PHF21B: variants seen among roughly 807,000 people sequenced by gnomAD.
The protein encoded by PHF21B is PHD finger protein 21B.
In PHF21B, 22 loss-of-function variants were observed where a neutral mutation model predicts 62.2. The ratio of observed to expected loss-of-function variants is 0.35; its 90% CI spans 0.25 to 0.51. PHF21B has a LOEUF of 0.51. Ranked by LOEUF, PHF21B falls within the 20% of genes least tolerant of loss-of-function variation. The pLI is 0.97. For synonymous variants in PHF21B, 341 were observed against 314.7 expected (o/e 1.08, Z -0.88); for missense variants, 701 against 707.9 (o/e 0.99, Z 0.11).
At chr22:45,007,264 C>T (rs1358030854) in intron 2 of PHF21B, among the ~76,000 whole-genome samples, 2 of 151,976 alleles carry the variant, frequency 1.3e-5, no homozygotes, top group Non-Finnish European at 2.9e-5. Flanking sequence ...CCCCTCCCAT[C>T]ACTTTTTAAC....
intron 2 of PHF21B, among the ~76,000 whole-genome samples, chr22:44,992,261 C>CT (rs2073053258): frequency 6.6e-6 from 1 of 152,264 alleles, no homozygotes; most frequent in East Asian, 1.9e-4. Flanking sequence ...CTTGAAGCCA[C>CT]TTTGCAGAGG....
intron 2 of PHF21B, among the ~76,000 whole-genome samples, chr22:44,926,366 G>A (rs985080132): frequency 6.6e-6 from 1 of 152,260 alleles, no homozygotes; most frequent in Non-Finnish European, 1.5e-5. Flanking sequence ...TTTCCACATG[G>A]ATGGGGCTGG....
At chr22:44,885,762 A>C in intron 11 of PHF21B, 101 bp downstream of exon 11, 1 of 1,272,478 alleles carries the variant, frequency 7.9e-7, no homozygotes, top group Admixed American at 2.0e-5. Context: ...CCTGAAGGGA[A>C]TGGACCCACC....
chr22:44,937,340 C>G (rs534778996), intron 2 of PHF21B, among the ~76,000 whole-genome samples: 1 of 152,172 alleles, frequency 6.6e-6, no homozygotes, highest in Non-Finnish European at 1.5e-5. Flanking sequence ...TGGGCAGAGA[C>G]GGAGACATCA....
rs142030912 is a variant in PHF21B at position 44,961,845 on chromosome 22, AAAATAAATAAATAAAT to A, written c.121-41371_121-41356del. 7.9e-3 allele frequency among the ~76,000 whole-genome samples: 1,141 copies of A among 144,310 alleles called. 13 individuals carry two copies. Among genetic ancestry groups the A allele is most frequent in the Non-Finnish European group, 0.01 (682 of 66,548 alleles). 94.7% of individuals were successfully genotyped at this position (144,310 alleles called of 152,430 possible). A position where few individuals can be genotyped will look rare whatever the true frequency, so the allele number is the denominator to read the frequency against. The stretch of plus-strand genomic sequence containing the variant: ...GGGTGACAGAGCGAGACTCTGTCTC[AAAATAAATAAATAAAT>A]AAATAAATAAATAAATAAATAAATA... On this transcript the variant is annotated intron_variant, in intron 2 of 12. Coordinates refer to ENST00000313237, the MANE Select transcript of PHF21B (RefSeq NM_138415.5).
intron 2 of PHF21B, among the ~76,000 whole-genome samples, chr22:44,939,057 G>C (rs947914328): frequency 5.3e-5 from 8 of 152,216 alleles, no homozygotes. Context: ...AGCCGGCACC[G>C]ACCATCTGCA....
chr22:44,915,291 A>C lies in PHF21B; in HGVS notation c.564+989T>G, dbSNP rs551524319. 3.9e-5 allele frequency among the ~76,000 whole-genome samples: 6 copies of C among 152,378 alleles called. 1 individual carries two copies. Among genetic ancestry groups the C allele is most frequent in the African/African-American group, 1.2e-4 (5 of 41,598 alleles). Reference sequence around the variant, plus strand: ...GAAGATAGAATTCTTAAGTGTAAGAAAAACACTGAAGCTTAACAGTAACCA... The same window carrying C: ...GAAGATAGAATTCTTAAGTGTAAGACAAACACTGAAGCTTAACAGTAACCA... On this transcript the variant is annotated intron_variant, in intron 4 of 12. Transcript: ENST00000313237.
intron 2 of PHF21B, among the ~76,000 whole-genome samples, chr22:44,923,680 A>G (rs925123965): frequency 3.9e-5 from 6 of 152,018 alleles, no homozygotes; most frequent in African/African-American, 1.5e-4. Context: ...AAAACAAACA[A>G]CTCATTAAAA....
chr22:44,883,302 T>A lies in PHF21B; in HGVS notation c.1380A>T (p.Lys460Asn). ...RDRRLASAVQ[K>N]CLELKTSLLA... ...GCAGGCTTGTCTTCAACTCCAGGCA[T>A]TTCTGTTGGGGAGAAGGTCAGGGGA... The change falls in exon 13 of 13, where the codon AAA becomes AAT. Residue 460 changes from lysine (K) to asparagine (N), a missense_variant and splice_region_variant. Lys to Asn is a moderately conservative substitution (Grantham distance 94). Transcript: ENST00000313237. The A allele has an allele frequency of 6.2e-7, 1 of 1,613,312 alleles. No individual in the cohort carries two copies. Among genetic ancestry groups the A allele is most frequent in the Admixed American group, 1.7e-5 (1 of 60,002 alleles).
At chr22:44,992,341 C>T (rs1347324678) in intron 2 of PHF21B, among the ~76,000 whole-genome samples, 1 of 152,202 alleles carries the variant, frequency 6.6e-6, no homozygotes, top group Admixed American at 6.5e-5. Context: ...GTGCTGTGGC[C>T]GCACCGCAGC....
intron 3 of PHF21B, among the ~76,000 whole-genome samples, chr22:44,919,870 C>T (rs571285254): frequency 6.6e-6 from 1 of 152,330 alleles, no homozygotes; most frequent in Non-Finnish European, 1.5e-5. Flanking sequence ...GGTGAGAAGC[C>T]TCGGCCCAGG....
chr22:44,930,837 A>T (rs916838836), intron 2 of PHF21B, among the ~76,000 whole-genome samples: 1 of 152,212 alleles, frequency 6.6e-6, no homozygotes, highest in African/African-American at 2.4e-5. Flanking sequence ...CGAGGTACTG[A>T]GGCCTGTTTG....
chr22:44,932,086 G>A (rs1295953894), intron 2 of PHF21B, among the ~76,000 whole-genome samples: 19 of 152,346 alleles, frequency 1.2e-4, no homozygotes. Context: ...ACTCAACAGA[G>A]GACCCGGGGC....
intron 2 of PHF21B, among the ~76,000 whole-genome samples, chr22:44,975,465 G>A (rs985499182): frequency 1.2e-4 from 18 of 152,186 alleles, no homozygotes; most frequent in African/African-American, 2.9e-4. Flanking sequence ...TGGTGACATC[G>A]GTACTGCACA....
At chr22:44,903,839 T>C (rs1203534474) in intron 5 of PHF21B, among the ~76,000 whole-genome samples, 1 of 152,248 alleles carries the variant, frequency 6.6e-6, no homozygotes, top group Admixed American at 6.5e-5. Context: ...GTGTTGTTTA[T>C]TTAGGTATGC....
intron 2 of PHF21B, among the ~76,000 whole-genome samples, chr22:44,947,197 C>G (rs1270890420): frequency 1.3e-5 from 2 of 152,116 alleles, no homozygotes; most frequent in Non-Finnish European, 2.9e-5. Flanking sequence ...CCCGCCCCCA[C>G]CCTTGGCCCT....
intron 5 of PHF21B, among the ~76,000 whole-genome samples, chr22:44,905,614 ATTTC>A (rs1464379385): frequency 6.6e-6 from 1 of 151,924 alleles, no homozygotes; most frequent in African/African-American, 2.4e-5. Context: ...CCTGGGCACA[ATTTC>A]TTTTTGTTTT....
intron 2 of PHF21B, among the ~76,000 whole-genome samples, chr22:44,972,307 G>A (rs2072653686): frequency 6.6e-6 from 1 of 152,098 alleles, no homozygotes; most frequent in Non-Finnish European, 1.5e-5. Flanking sequence ...TTTTTCTTTT[G>A]ACTTTGGTAA....
At chr22:44,924,563 C>G (rs1297645287) in intron 2 of PHF21B, among the ~76,000 whole-genome samples, 2 of 152,204 alleles carry the variant, frequency 1.3e-5, no homozygotes, top group Non-Finnish European at 2.9e-5. Context: ...TCCTCTCTCT[C>G]TCTCATTCTC....
Sources: gnomAD v4.1 joint callset for allele counts (sites outside exome capture counted in the v4.1 genomes callset) on GRCh38, gnomAD v4.1.1 for gene constraint, MANE v1.5 for transcripts, NCBI Gene and HGNC (gene_info 2026-07-23, HGNC 2026-07-21) for gene names.